ZNF385D: variants seen among roughly 807,000 people sequenced by gnomAD.
The protein encoded by ZNF385D is zinc finger protein 385D, also known as zinc finger protein 659.
In ZNF385D, 15 loss-of-function variants were observed where a neutral mutation model predicts 35.8. The ratio of observed to expected loss-of-function variants is 0.42; its 90% CI spans 0.28 to 0.64. The LOEUF (loss-of-function observed/expected upper bound fraction) is 0.64, where lower values mean the gene tolerates loss of function less well. Among genes scored for constraint, ZNF385D ranks in the 30% least tolerant of loss-of-function variants. ZNF385D has a pLI of 0.23. For synonymous variants in ZNF385D, 212 were observed against 186.8 expected, an observed-to-expected ratio of 1.13 and a Z score of -1.10; for missense variants, 474 against 494.6, an observed-to-expected ratio of 0.96 and a Z score of 0.39.
intron 3 of ZNF385D, among the ~76,000 whole-genome samples, chr3:21,780,814 C>T (rs951551468): frequency 3.3e-5 from 5 of 151,978 alleles, no homozygotes; most frequent in African/African-American, 9.7e-5. Context: ...GTTCAGATAC[C>T]AGCAACAACA....
chr3:22,008,414 C>CCGAT (rs1696357078), intron 3 of ZNF385D, among the ~76,000 whole-genome samples: 1 of 140,064 alleles, frequency 7.1e-6, no homozygotes, highest in Non-Finnish European at 1.5e-5. Context: ...GTGCAGTGGC[C>CCGAT]CGATCTCGGC....
intron 3 of ZNF385D, among the ~76,000 whole-genome samples, chr3:22,083,993 G>C (rs1397543172): frequency 4.6e-5 from 7 of 152,224 alleles, no homozygotes; most frequent in African/African-American, 1.7e-4. Flanking sequence ...AGCTTCATAC[G>C]TGAAGGAGAA....
chr3:21,900,171 A>G (rs1699328277), intron 3 of ZNF385D, among the ~76,000 whole-genome samples: 7 of 152,192 alleles, frequency 4.6e-5, no homozygotes, highest in Admixed American at 4.6e-4. Context: ...GATACTTTCT[A>G]TGTTTCAACA....
At chr3:21,962,799 TC>T (rs1302446683) in intron 3 of ZNF385D, among the ~76,000 whole-genome samples, 1 of 152,194 alleles carries the variant, frequency 6.6e-6, no homozygotes, top group East Asian at 1.9e-4. Context: ...TAAAGTTGTT[TC>T]CTGATGAGGG....
rs191256756 is a variant in ZNF385D at position 22,069,759 on chromosome 3, C to A, written c.325+99058G>T. 5.5e-4 allele frequency among the ~76,000 whole-genome samples: 84 copies of A among 152,244 alleles called. 1 individual carries two copies. The East Asian group carries it at 5.6e-3, about 10-fold the overall frequency. ...TAAGTGCACATCAGTGATAAGTCAACTGGGACTCCTCCACATGGCCCTATT... is the reference window on the plus strand; with the variant it reads ...TAAGTGCACATCAGTGATAAGTCAAATGGGACTCCTCCACATGGCCCTATT... On this transcript the variant is annotated intron_variant, in intron 3 of 5. Coordinates refer to the ZNF385D transcript ENST00000494108.
At chr3:21,735,868 G>C (rs930867500) in intron 1 of ZNF385D, among the ~76,000 whole-genome samples, 3 of 152,306 alleles carry the variant, frequency 2.0e-5, no homozygotes, top group Admixed American at 2.0e-4. Flanking sequence ...AGCAGGGATT[G>C]CTATGATTGT....
intron 2 of ZNF385D, among the ~76,000 whole-genome samples, chr3:22,243,121 CAT>C (rs1222987636): frequency 6.6e-6 from 1 of 150,560 alleles, no homozygotes; most frequent in East Asian, 2.0e-4. Flanking sequence ...ATTTGCAAAT[CAT>C]ATATGTGGTA....
intron 2 of ZNF385D, among the ~76,000 whole-genome samples, chr3:22,356,990 G>C (rs1696181748): frequency 6.6e-6 from 1 of 151,800 alleles, no homozygotes; most frequent in Non-Finnish European, 1.5e-5. Flanking sequence ...AAGATAGCAA[G>C]TTATAATAAA....
At chr3:21,636,378 T>TATATATATATATA (rs2065437484) in intron 2 of ZNF385D, among the ~76,000 whole-genome samples, 8 of 47,982 alleles carry the variant, frequency 1.7e-4, no homozygotes, top group African/African-American at 7.2e-4. Context: ...ATATATATGA[T>TATATATATATATA]TATATATATA....
intron 3 of ZNF385D, among the ~76,000 whole-genome samples, chr3:21,928,606 TAAA>T (rs1322969849): frequency 6.6e-6 from 1 of 152,144 alleles, no homozygotes; most frequent in Admixed American, 6.5e-5. Context: ...TTAGCTATGT[TAAA>T]AAGGAAAATA....
chr3:21,654,888 T>A (rs1344152331), intron 2 of ZNF385D, among the ~76,000 whole-genome samples: 1 of 152,050 alleles, frequency 6.6e-6, no homozygotes, highest in African/African-American at 2.4e-5. Flanking sequence ...TGGCAAAAAG[T>A]TCTCATTCCT....
At chr3:21,527,602 C>T (rs150122473) in intron 3 of ZNF385D, among the ~76,000 whole-genome samples, 80 of 152,178 alleles carry the variant, frequency 5.3e-4, no homozygotes, top group African/African-American at 1.5e-3. Context: ...ATATCATTAA[C>T]TTCAGGCTTT....
chr3:21,887,924 A>G (rs1210685037), intron 3 of ZNF385D, among the ~76,000 whole-genome samples: 1 of 152,136 alleles, frequency 6.6e-6, no homozygotes, highest in Non-Finnish European at 1.5e-5. Flanking sequence ...TGGGTTACAC[A>G]TGTCCATTGA....
intron 2 of ZNF385D, among the ~76,000 whole-genome samples, chr3:22,225,214 G>A (rs544949335): frequency 1.5e-4 from 23 of 152,120 alleles, no homozygotes; most frequent in Non-Finnish European, 2.6e-4. Context: ...AAAAGATAAC[G>A]TGTAAACTGG....
intron 4 of ZNF385D, among the ~76,000 whole-genome samples, chr3:21,455,674 G>A (rs1371277247): frequency 6.6e-6 from 1 of 152,056 alleles, no homozygotes; most frequent in African/African-American, 2.4e-5. Flanking sequence ...ACATAGGCAT[G>A]GGGGGCAAGG....
intron 3 of ZNF385D, chr3:21,958,695 C>A (rs1702417916): frequency 6.6e-6 from 1 of 152,116 alleles, no homozygotes; most frequent in Non-Finnish European, 1.5e-5. Context: ...TTCTAAATTA[C>A]TGCAGAAAGC....
intron 3 of ZNF385D, among the ~76,000 whole-genome samples, chr3:21,805,735 C>A (rs1272250474): frequency 6.6e-6 from 1 of 152,194 alleles, no homozygotes; most frequent in East Asian, 1.9e-4. Flanking sequence ...CTGGATTTCA[C>A]TATTTCCTCT....
chr3:21,470,222 G>C (rs1250024125), intron 4 of ZNF385D, among the ~76,000 whole-genome samples: 5 of 152,172 alleles, frequency 3.3e-5, no homozygotes, highest in Non-Finnish European at 7.4e-5. Flanking sequence ...TGTACTGAAA[G>C]AGTTAAAGAA....
At position 22,347,017 on chromosome 3, in the gene ZNF385D, C is replaced by T. The variant is rs78034183; in HGVS notation, c.106+25433G>A. ...GGGACTTTCAATCTCCTATAACTGC[C>T]AACCCACATAATGTACAAACAAAGA... is the stretch of plus-strand genomic sequence containing the variant. On this transcript the variant is annotated intron_variant, in intron 2 of 5. Transcript: ENST00000494108. Among the ~76,000 whole-genome samples, 1,412 of 152,166 alleles carry T rather than the reference C, an allele frequency of 9.3e-3. 21 individuals are homozygous for T. The highest frequency in any genetic ancestry group is 0.032 in the African/African-American group (1,317 of 41,520).
Sources: allele counts gnomAD v4.1 joint callset (sites outside exome capture counted in the v4.1 genomes callset), GRCh38; gene constraint gnomAD v4.1.1; transcripts MANE v1.5; gene names NCBI Gene and HGNC (gene_info 2026-07-23, HGNC 2026-07-21).